CCDC9: variants seen among roughly 807,000 people sequenced by gnomAD.
CCDC9 encodes coiled-coil domain containing 9.
A neutral mutation model predicts 65.6 loss-of-function variants in CCDC9; 52 were observed. The observed-to-expected ratio is 0.79, with a 90% confidence interval of 0.63 to 1.00. The LOEUF (loss-of-function observed/expected upper bound fraction) is 1.00, where lower values mean the gene tolerates loss of function less well. CCDC9 is among the 50% of genes least tolerant of loss of function. The probability of loss-of-function intolerance (pLI) is 0.00; values close to 1 mark genes in which losing one functional copy is unlikely to be tolerated. For missense variants in CCDC9, 834 were observed against 757.2 expected (o/e 1.10, Z -1.19); for synonymous variants, 332 against 280.3 (o/e 1.18, Z -1.84).
rs2059026541 is a variant in CCDC9 at position 47,258,644 on chromosome 19, C to T, written c.89C>T (p.Ala30Val). The change falls in exon 3 of 12, where the codon GCC (alanine) becomes GTC (valine). Residue 30 changes from alanine to valine, a missense_variant. Transcript: ENST00000221922. Reference sequence around the variant, plus strand: ...GAGGCTCTTCGGCGGAAGAATGAGGCCCTCATCCGGCGCTACCAGGTGCCC... The same window carrying T: ...GAGGCTCTTCGGCGGAAGAATGAGGTCCTCATCCGGCGCTACCAGGTGCCC... ...RIEALRRKNE[A>V]LIRRYQEIEE... 2 of 1,613,756 alleles carry T rather than the reference C, an allele frequency of 1.2e-6. No individual in the cohort carries two copies. Among genetic ancestry groups the T allele is most frequent in the Admixed American group, 1.7e-5 (1 of 59,986 alleles).
Position 47,271,720 on chromosome 19 carries a change from T to TGC in CCDC9, c.*43_*44insCG, listed in dbSNP as rs2059121857. ...GTGTGTGTGTGTGTGTGTGTGTGTGTGTGTGTGTGTGTGCGCGCGCGCGCG... is the reference window on the plus strand; with the variant it reads ...GTGTGTGTGTGTGTGTGTGTGTGTGTGCGTGTGTGTGTGTGCGCGCGCGCGCG... On this transcript the variant is annotated 3_prime_UTR_variant, in exon 12 of 12. Coordinates refer to ENST00000221922, the MANE Select transcript of CCDC9 (RefSeq NM_015603.3). 1.5e-6 allele frequency: 2 copies of TGC among 1,371,292 alleles called. No individual in the cohort carries two copies. Among genetic ancestry groups the TGC allele is most frequent in the African/African-American group, 4.2e-5 (2 of 47,438 alleles). 84.9% of individuals were successfully genotyped at this position (1,371,292 alleles called of 1,614,324 possible). A position where few individuals can be genotyped will look rare whatever the true frequency, so the allele number is the denominator to read the frequency against.
chr19:47,275,062 C>T, downstream of CCDC9: 2 of 1,495,054 alleles, frequency 1.3e-6, no homozygotes, highest in Non-Finnish European at 1.8e-6. Flanking sequence ...GTGCTGCTCG[C>T]CGTGTACTAC....
At chr19:47,263,547 G>T (rs2059059626) in intron 5 of CCDC9, among the ~76,000 whole-genome samples, 1 of 152,116 alleles carries the variant, frequency 6.6e-6, no homozygotes, top group Admixed American at 6.6e-5. Flanking sequence ...TTTATTTATT[G>T]TATTTATTTA....
chr19:47,262,980 C>T (rs1323532407), intron 5 of CCDC9, among the ~76,000 whole-genome samples: 2 of 151,686 alleles, frequency 1.3e-5, no homozygotes, highest in Admixed American at 6.6e-5. Flanking sequence ...CAGCTACTTA[C>T]TTGGGAGGCT....
At position 47,258,366 on chromosome 19, in the gene CCDC9, G is replaced by A. The variant is rs370434658; in HGVS notation, c.-35G>A. On this transcript the variant is annotated 5_prime_UTR_variant, in exon 2 of 12. Transcript: ENST00000221922. ...GCTGCGTCTAGATTCTGCAGGGGAGGTTTGCTGGGACCTTGGCTCCACGCA... is the reference window on the plus strand; with the variant it reads ...GCTGCGTCTAGATTCTGCAGGGGAGATTTGCTGGGACCTTGGCTCCACGCA... 62 of 1,613,504 alleles carry A rather than the reference G, an allele frequency of 3.8e-5. No individual in the cohort carries two copies. Among genetic ancestry groups the A allele is most frequent in the East Asian group, 3.6e-4 (16 of 44,880 alleles).
intron 8 of CCDC9, among the ~76,000 whole-genome samples, chr19:47,270,125 C>A (rs937128141): frequency 6.6e-6 from 1 of 151,952 alleles, no homozygotes; most frequent in Non-Finnish European, 1.5e-5. Context: ...CGTGCCACCA[C>A]GCCCAGCTAA....
rs887342426 is a variant in CCDC9 at position 47,258,260 on chromosome 19, G to A, written c.-71-70G>A. On this transcript the variant is annotated intron_variant, in intron 1 of 11. Transcript: ENST00000221922. ...TTTTGTGTATGGCTGTGAGGATCCC[G>A]CAGTATGTTAGAGGGTGAAGTAGGT... 6 of 816,554 alleles carry A rather than the reference G, an allele frequency of 7.3e-6. No homozygotes were observed. The East Asian group carries it at 9.7e-5, about 13-fold the overall frequency. 50.6% of individuals were successfully genotyped at this position (816,554 alleles called of 1,614,324 possible). A position where few individuals can be genotyped will look rare whatever the true frequency, so the allele number is the denominator to read the frequency against.
At position 47,265,043 on chromosome 19, in the gene CCDC9, T is replaced by C. The variant is rs2059072221; in HGVS notation, c.720+97T>C. The C allele has an allele frequency of 9.1e-6, 10 of 1,099,022 alleles. 1 individual carries two copies. The South Asian group carries it at 3.4e-4, about 37-fold the overall frequency. 68.1% of individuals were successfully genotyped at this position (1,099,022 alleles called of 1,614,324 possible). On this transcript the variant is annotated intron_variant, in intron 7 of 11. Coordinates refer to ENST00000221922, the MANE Select transcript of CCDC9 (RefSeq NM_015603.3). ...AGATCAGGGCCATGGGGCCTCTCCT[T>C]TTTTGTGCCACAGCACAGGACTTTT...
chr19:47,267,316 C>T (rs939835478), intron 8 of CCDC9, among the ~76,000 whole-genome samples: 2 of 152,036 alleles, frequency 1.3e-5, no homozygotes, highest in Non-Finnish European at 2.9e-5. Context: ...GCTCTGTCGC[C>T]CAGGCTGGAT....
downstream of CCDC9, chr19:47,275,553 C>T: frequency 1.5e-6 from 1 of 657,518 alleles, no homozygotes; most frequent in Non-Finnish European, 2.5e-6. Flanking sequence ...AGGCCGGGTC[C>T]TCCACCATCA....
At chr19:47,261,011 GCTCCCC>G (rs1262241022) in intron 5 of CCDC9, among the ~76,000 whole-genome samples, 172 bp downstream of exon 5, 5 of 151,792 alleles carry the variant, frequency 3.3e-5, no homozygotes, top group African/African-American at 1.2e-4. Flanking sequence ...TCCTCCTCCT[GCTCCCC>G]CTCTTCTAGT....
At chr19:47,273,543 C>A, downstream of CCDC9, 1 of 460,488 alleles carries the variant, frequency 2.2e-6, no homozygotes, top group Non-Finnish European at 3.5e-6. Flanking sequence ...CTGCCACACT[C>A]CAGCCAGGAG....
chr19:47,271,689 C>CCG lies in CCDC9; in HGVS notation c.*11_*12insCG. On this transcript the variant is annotated 3_prime_UTR_variant, in exon 12 of 12. Transcript: ENST00000221922. The stretch of plus-strand genomic sequence containing the variant: ...TTTGAGAGTGTATGAAGCTGGCTGC[C>CCG]TGTGTGTGTGTGTGTGTGTGTGTGT... The CCG allele has an allele frequency of 1.8e-6, 2 of 1,125,996 alleles. No individual in the cohort carries two copies. The allele number at this position is 1,125,996 out of a possible 1,614,324, so 69.8% of individuals were successfully genotyped here. A position where few individuals can be genotyped will look rare whatever the true frequency, so the allele number is the denominator to read the frequency against.
rs2059084061 is a variant in CCDC9 at position 47,266,616 on chromosome 19, C to T, written c.726C>T (p.Arg242=). The change falls in exon 8 of 12, where the codon CGC becomes CGT. Residue 242 remains arginine (R), a synonymous_variant. Coordinates refer to ENST00000221922, the MANE Select transcript of CCDC9 (RefSeq NM_015603.3). ...RCGLEHERQG[R]RAGLGSAGDM... is the part of the protein sequence containing the mutation. The stretch of plus-strand genomic sequence containing the variant: ...CCCTGTGGGCTGGGGGGCAGGGCCG[C>T]CGAGCTGGCCTGGGCAGTGCTGGAG... 6.5e-7 allele frequency: 1 copy of T among 1,534,948 alleles called. No individual in the cohort carries two copies. Among genetic ancestry groups the T allele is most frequent in the Non-Finnish European group, 8.8e-7 (1 of 1,135,414 alleles).
At chr19:47,270,316 TC>T (rs2059107368) in intron 8 of CCDC9, 90 bp from the exon 9 acceptor site, 1 of 1,267,802 alleles carries the variant, frequency 7.9e-7, no homozygotes, top group Admixed American at 1.8e-5. Flanking sequence ...CTGTCTCTGA[TC>T]CGATTCCTGA....
chr19:47,272,601 G>A (rs2059130902), downstream of CCDC9, among the ~76,000 whole-genome samples: 2 of 152,120 alleles, frequency 1.3e-5, no homozygotes, highest in South Asian at 4.1e-4. Context: ...CCACCTGGGC[G>A]ACAGAGCAAG....
chr19:47,274,666 G>A (rs2059144719), downstream of CCDC9: 1 of 251,466 alleles, frequency 4.0e-6, no homozygotes, highest in East Asian at 7.7e-5. Flanking sequence ...TTGGGGTGGT[G>A]GGGCTAAGCG....
chr19:47,264,885 G>A lies in CCDC9; in HGVS notation c.659G>A (p.Gly220Asp). 6.8e-7 allele frequency: 1 copy of A among 1,476,094 alleles called. No individual in the cohort carries two copies. Among genetic ancestry groups the A allele is most frequent in the Non-Finnish European group, 9.0e-7 (1 of 1,115,730 alleles). The allele number at this position is 1,476,094 out of a possible 1,614,324, so 91.4% of individuals were successfully genotyped here. A position where few individuals can be genotyped will look rare whatever the true frequency, so the allele number is the denominator to read the frequency against. The change falls in exon 7 of 12, where the codon GGC (glycine) becomes GAC (aspartate). Residue 220 changes from glycine (G) to aspartate (D), a missense_variant. Physicochemically the swap from Gly to Asp is moderately conservative, Grantham distance 94. Coordinates refer to ENST00000221922, the MANE Select transcript of CCDC9 (RefSeq NM_015603.3). Reference sequence around the variant, plus strand: ...CGCCGGGAGGAGAGCCGCCGGCACGGCCGCAACTGGGGGGGCCCCGACTTC... The same window carrying A: ...CGCCGGGAGGAGAGCCGCCGGCACGACCGCAACTGGGGGGGCCCCGACTTC... ...RDRREESRRHGRNWGGPDFER... is the reference protein window; with the variant it reads ...RDRREESRRHDRNWGGPDFER...
intron 7 of CCDC9, 46 bp from the exon 8 acceptor site, chr19:47,266,565 G>T: frequency 6.8e-7 from 1 of 1,461,332 alleles, no homozygotes; most frequent in African/African-American, 1.4e-5. Flanking sequence ...TAGGGGCGGG[G>T]TAGGGTGCGG....
Sources: allele counts gnomAD v4.1 joint callset (sites outside exome capture counted in the v4.1 genomes callset), GRCh38; gene constraint gnomAD v4.1.1; transcripts MANE v1.5; gene names NCBI Gene and HGNC (gene_info 2026-07-23, HGNC 2026-07-21).